The following SGCD variants were observed in gnomAD, a reference collection of about 807,000 sequenced individuals.
The protein encoded by SGCD is sarcoglycan delta.
A neutral mutation model predicts 36.6 loss-of-function variants in SGCD; 18 were observed. The ratio of observed to expected loss-of-function variants is 0.49; its 90% CI spans 0.34 to 0.73. The LOEUF is 0.73. SGCD is among the 30% of genes least tolerant of loss of function. The pLI, the probability that SGCD is intolerant of heterozygous loss-of-function variation, is 0.01. For synonymous variants in SGCD, 133 were observed against 130.6 expected, an observed-to-expected ratio of 1.02 and a Z score of -0.12; for missense variants, 387 against 346.7, an observed-to-expected ratio of 1.12 and a Z score of -0.92.
intron 3 of SGCD, among the ~76,000 whole-genome samples, chr5:156,196,368 C>G (rs1764026565): frequency 6.6e-6 from 1 of 152,162 alleles, no homozygotes; most frequent in Admixed American, 6.6e-5. Flanking sequence ...ATACCAAATG[C>G]AGCCTTACAT....
intron 4 of SGCD, among the ~76,000 whole-genome samples, chr5:156,517,197 A>G (rs972297302): frequency 6.6e-6 from 1 of 152,186 alleles, no homozygotes; most frequent in South Asian, 2.1e-4. Flanking sequence ...CAATGCAGCC[A>G]CAAGTATCAA....
intron 1 of SGCD, among the ~76,000 whole-genome samples, chr5:156,115,541 T>C (rs1761887815): frequency 2.6e-5 from 4 of 152,066 alleles, no homozygotes; most frequent in African/African-American, 9.7e-5. Context: ...TCTTTATAAA[T>C]ATAAGAATGA....
chr5:156,381,415 A>G lies in SGCD; in HGVS notation c.192+36738A>G, dbSNP rs184693333. Reference sequence around the variant, plus strand: ...GCAAGGAAAATCAAATTGGTCTTTTATACAGAATACGAATCTCGAGCTCTA... The same window carrying G: ...GCAAGGAAAATCAAATTGGTCTTTTGTACAGAATACGAATCTCGAGCTCTA... On this transcript the variant is annotated intron_variant, in intron 3 of 8. Coordinates refer to ENST00000337851, the MANE Select transcript of SGCD (RefSeq NM_000337.6). 3.4e-3 allele frequency among the ~76,000 whole-genome samples: 521 copies of G among 152,286 alleles called. 2 individuals are homozygous for G. Among genetic ancestry groups the G allele is most frequent in the South Asian group, 0.018 (86 of 4,818 alleles).
At chr5:155,986,128 C>A (rs1758323967) in intron 1 of SGCD, among the ~76,000 whole-genome samples, 1 of 152,116 alleles carries the variant, frequency 6.6e-6, no homozygotes, top group African/African-American at 2.4e-5. Context: ...ACTCATTCAT[C>A]CATTTCCTGT....
In SGCD at chr5:155,890,428, C is replaced by T. The variant is rs75291159; in HGVS notation, c.-282+20004C>T. On this transcript the variant is annotated intron_variant, in intron 1 of 9. Coordinates refer to the SGCD transcript ENST00000517913. ...TCACTTAATTTCAGGAGTTCGAGAC[C>T]AGCCTGGGCACCATGGTGGAACCTT... Among the ~76,000 whole-genome samples the T allele has an allele frequency of 3.3e-5, 5 of 152,132 alleles. No homozygotes were observed. The East Asian group carries it at 9.7e-4, about 29-fold the overall frequency.
At chr5:155,934,562 A>G (rs1757161155) in intron 1 of SGCD, among the ~76,000 whole-genome samples, 1 of 152,136 alleles carries the variant, frequency 6.6e-6, no homozygotes, top group South Asian at 2.1e-4. Flanking sequence ...CTTTTATTTC[A>G]GTAGTTTGTG....
intron 7 of SGCD, among the ~76,000 whole-genome samples, chr5:156,694,344 A>G (rs1754226615): frequency 6.6e-6 from 1 of 152,164 alleles, no homozygotes; most frequent in Non-Finnish European, 1.5e-5. Flanking sequence ...TTCAGCATTC[A>G]CTGACAGTTC....
chr5:156,082,571 G>T (rs555380732), intron 1 of SGCD, among the ~76,000 whole-genome samples: 8 of 152,196 alleles, frequency 5.3e-5, no homozygotes, highest in African/African-American at 1.9e-4. Context: ...CTGTTCCTTT[G>T]TATAGTGGAA....
chr5:156,308,756 C>CA (rs1767307559), intron 3 of SGCD, among the ~76,000 whole-genome samples: 1 of 152,210 alleles, frequency 6.6e-6, no homozygotes, highest in Non-Finnish European at 1.5e-5. Context: ...TGCATGGAGA[C>CA]ACAGAACTGA....
chr5:155,762,878 C>T, the SGCD span, among the ~76,000 whole-genome samples: 2 of 152,194 alleles, frequency 1.3e-5, no homozygotes, highest in South Asian at 4.2e-4. Flanking sequence ...TATTAGGAAT[C>T]AGGAGTACCC....
At chr5:156,624,616 T>C (rs1581276201) in intron 6 of SGCD, among the ~76,000 whole-genome samples, 1 of 152,182 alleles carries the variant, frequency 6.6e-6, no homozygotes, top group South Asian at 2.1e-4. Flanking sequence ...TAACCACTCT[T>C]ACTCTTGTGG....
At chr5:155,785,489 C>T in the SGCD span, among the ~76,000 whole-genome samples, 4,163 of 152,136 alleles carry the variant, frequency 0.027, 89 homozygotes, top group Middle Eastern at 0.088. Context: ...GTCACCATGC[C>T]GTGTAATAGG....
At position 155,916,814 on chromosome 5, in the gene SGCD, C is replaced by A. The variant is rs77973646; in HGVS notation, c.-282+46390C>A. ...TTTCAAAATTCTTTCAGTGTAGTTA[C>A]TTCCTGTGCTTCTCACAAATGTCTA... On this transcript the variant is annotated intron_variant, in intron 1 of 9. Coordinates refer to the SGCD transcript ENST00000517913. 3.7e-4 allele frequency among the ~76,000 whole-genome samples: 56 copies of A among 152,268 alleles called. 1 individual carries two copies. In the East Asian group the frequency reaches 0.011, roughly 29 times the overall value.
At chr5:155,985,341 A>G (rs1758310010) in intron 1 of SGCD, among the ~76,000 whole-genome samples, 1 of 152,104 alleles carries the variant, frequency 6.6e-6, no homozygotes, top group African/African-American at 2.4e-5. Flanking sequence ...GTGTGCGCTC[A>G]GCTCTCATCT....
chr5:156,667,628 GT>G (rs1753106541), intron 7 of SGCD, among the ~76,000 whole-genome samples: 1 of 152,208 alleles, frequency 6.6e-6, no homozygotes, highest in African/African-American at 2.4e-5. Context: ...ATGTTGGTCA[GT>G]AGTCTGTACT....
chr5:156,640,883 A>G (rs1763002654), intron 6 of SGCD, among the ~76,000 whole-genome samples: 1 of 152,196 alleles, frequency 6.6e-6, no homozygotes, highest in Admixed American at 6.5e-5. Context: ...GCCTGGGGAG[A>G]CACAATGGGA....
At chr5:156,073,442 A>G (rs1427291803) in intron 1 of SGCD, among the ~76,000 whole-genome samples, 2 of 152,184 alleles carry the variant, frequency 1.3e-5, no homozygotes, top group East Asian at 3.9e-4. Context: ...TTATGCCTGT[A>G]GGTCTAGCTA....
chr5:156,278,820 A>G (rs1187891555), intron 3 of SGCD, among the ~76,000 whole-genome samples: 1 of 152,154 alleles, frequency 6.6e-6, no homozygotes, highest in Non-Finnish European at 1.5e-5. Context: ...GTGTCCTTCC[A>G]TGGTCTCTTT....
At chr5:156,068,881 G>A (rs1333534261) in intron 1 of SGCD, among the ~76,000 whole-genome samples, 2 of 152,024 alleles carry the variant, frequency 1.3e-5, no homozygotes, top group South Asian at 2.1e-4. Flanking sequence ...CAGTGATGGT[G>A]AGCATTTTTT....
Sources: allele counts gnomAD v4.1 joint callset (sites outside exome capture counted in the v4.1 genomes callset), GRCh38; gene constraint gnomAD v4.1.1; transcripts MANE v1.5; gene names NCBI Gene and HGNC (gene_info 2026-07-23, HGNC 2026-07-21).